The following CHP1 variants were observed in gnomAD, a reference collection of about 807,000 sequenced individuals.
CHP1 encodes calcineurin like EF-hand protein 1.
A neutral mutation model predicts 27.4 loss-of-function variants in CHP1; 11 were observed. That is an observed-to-expected ratio of 0.40 (90% confidence interval 0.25 to 0.67). The LOEUF (loss-of-function observed/expected upper bound fraction) is 0.67. CHP1 is among the 30% of genes least tolerant of loss of function. The pLI is 0.38. For synonymous variants in CHP1, 89 were observed against 87.4 expected, an observed-to-expected ratio of 1.02 and a Z score of -0.10; for missense variants, 169 against 251.3, an observed-to-expected ratio of 0.67 and a Z score of 2.22.
chr15:41,266,356 G>A (rs954194438), intron 4 of CHP1, among the ~76,000 whole-genome samples: 22 of 151,164 alleles, frequency 1.5e-4, no homozygotes, highest in African/African-American at 4.6e-4. Context: ...GGTGGATAGT[G>A]TTTAAAAAAA....
At chr15:41,278,913 A>G (rs1361257286) in intron 6 of CHP1, 24 bp downstream of exon 6, 2 of 1,613,476 alleles carry the variant, frequency 1.2e-6, no homozygotes, top group Non-Finnish European at 1.7e-6. Flanking sequence ...TTCTTGTTTG[A>G]AAAAGTTACG....
intron 3 of CHP1, among the ~76,000 whole-genome samples, chr15:41,257,700 C>T (rs566798097): frequency 1.3e-5 from 2 of 152,076 alleles, no homozygotes; most frequent in East Asian, 1.9e-4. Flanking sequence ...GTTGGGATTA[C>T]AGCCACATGC....
At chr15:41,270,368 C>T (rs969877528) in intron 4 of CHP1, among the ~76,000 whole-genome samples, 189 bp from the exon 5 acceptor site, 2 of 152,118 alleles carry the variant, frequency 1.3e-5, no homozygotes. Flanking sequence ...TTCATCTAAT[C>T]TAAGAACTCA....
At chr15:41,270,050 A>G (rs1202050598) in intron 4 of CHP1, among the ~76,000 whole-genome samples, 1 of 152,158 alleles carries the variant, frequency 6.6e-6, no homozygotes, top group African/African-American at 2.4e-5. Context: ...CATCATATTT[A>G]TTTGAAACTC....
At chr15:41,256,793 A>G (rs906115342) in intron 2 of CHP1, 117 bp from the exon 3 acceptor site, 3 of 797,416 alleles carry the variant, frequency 3.8e-6, no homozygotes, top group African/African-American at 1.7e-5. Flanking sequence ...AATTTGCCAC[A>G]GAAGTAAATT....
At chr15:41,274,849 G>A (rs560990234) in intron 5 of CHP1, among the ~76,000 whole-genome samples, 117 of 145,914 alleles carry the variant, frequency 8.0e-4, no homozygotes, top group Non-Finnish European at 1.3e-3. Flanking sequence ...AGAGTGCAGT[G>A]GCATGATCTC....
At chr15:41,231,766 C>G (rs955753907) in intron 1 of CHP1, among the ~76,000 whole-genome samples, 1 of 152,102 alleles carries the variant, frequency 6.6e-6, no homozygotes, top group African/African-American at 2.4e-5. Context: ...CTCGCACCAC[C>G]CTTCCCTATG....
At chr15:41,260,848 C>T (rs184359487) in intron 3 of CHP1, among the ~76,000 whole-genome samples, 54 of 152,104 alleles carry the variant, frequency 3.6e-4, no homozygotes, top group Admixed American at 3.5e-3. Flanking sequence ...GATACTAATA[C>T]AGTTATCTGA....
At chr15:41,243,156 A>G (rs2047315699) in intron 1 of CHP1, among the ~76,000 whole-genome samples, 1 of 152,060 alleles carries the variant, frequency 6.6e-6, no homozygotes, top group African/African-American at 2.4e-5. Context: ...CCTAGCCAAC[A>G]TGGCGAAACC....
chr15:41,254,216 C>T (rs963386937), intron 2 of CHP1, among the ~76,000 whole-genome samples: 18 of 152,134 alleles, frequency 1.2e-4, no homozygotes, highest in African/African-American at 3.6e-4. Flanking sequence ...ACAGGTCCAT[C>T]GGAAGGCCAA....
At chr15:41,268,235 C>T (rs2047471687) in intron 4 of CHP1, among the ~76,000 whole-genome samples, 1 of 152,088 alleles carries the variant, frequency 6.6e-6, no homozygotes, top group Non-Finnish European at 1.5e-5. Context: ...AAAGAGTGGT[C>T]AGTGAAAACC....
At chr15:41,236,257 T>A (rs1028946531) in intron 1 of CHP1, among the ~76,000 whole-genome samples, 1 of 151,898 alleles carries the variant, frequency 6.6e-6, no homozygotes, top group Non-Finnish European at 1.5e-5. Context: ...ACCTGATTTT[T>A]AATTTTTATT....
intron 1 of CHP1, 26 bp downstream of exon 1, chr15:41,231,475 G>A: frequency 6.3e-7 from 1 of 1,586,536 alleles, no homozygotes; most frequent in Non-Finnish European, 8.6e-7. Flanking sequence ...GGGTGGGAAC[G>A]CCGGGCGCCT....
At chr15:41,231,923 A>G (rs1256292635) in intron 1 of CHP1, among the ~76,000 whole-genome samples, 3 of 152,168 alleles carry the variant, frequency 2.0e-5, no homozygotes, top group Admixed American at 6.5e-5. Flanking sequence ...CAAATTGGGA[A>G]AACCACCCAG....
intron 1 of CHP1, among the ~76,000 whole-genome samples, chr15:41,236,202 T>C (rs2047275978): frequency 6.6e-6 from 1 of 151,704 alleles, no homozygotes; most frequent in South Asian, 2.1e-4. Flanking sequence ...CCCCAGACTT[T>C]CAAAGTACTG....
intron 1 of CHP1, 59 bp from the exon 2 acceptor site, chr15:41,243,608 G>A: frequency 7.3e-7 from 1 of 1,369,334 alleles, no homozygotes; most frequent in Non-Finnish European, 1.0e-6. Context: ...AGCGAGGGGT[G>A]GGTTCAGTGT....
chr15:41,275,660 C>G (rs1451366282), intron 5 of CHP1, among the ~76,000 whole-genome samples: 1 of 152,164 alleles, frequency 6.6e-6, no homozygotes, highest in Admixed American at 6.6e-5. Context: ...CAGCCTTGAA[C>G]TCCTGGGCTC....
At chr15:41,236,045 TAGAG>T (rs1000906453) in intron 1 of CHP1, among the ~76,000 whole-genome samples, 1 of 151,888 alleles carries the variant, frequency 6.6e-6, no homozygotes, top group African/African-American at 2.4e-5. Context: ...ATTTGTCAAT[TAGAG>T]AGGGCATTGT....
intron 1 of CHP1, among the ~76,000 whole-genome samples, chr15:41,243,233 C>T (rs915202200): frequency 2.0e-5 from 3 of 150,768 alleles, no homozygotes; most frequent in Non-Finnish European, 4.4e-5. Context: ...CCCAGCTACT[C>T]GGGAGGCTGA....
Sources: allele counts gnomAD v4.1 joint callset (sites outside exome capture counted in the v4.1 genomes callset), GRCh38; gene constraint gnomAD v4.1.1; transcripts MANE v1.5; gene names NCBI Gene and HGNC (gene_info 2026-07-23, HGNC 2026-07-21).